Variants in MICU3 observed in about 807,000 individuals in gnomAD.
MICU3 encodes calcium uptake protein 3, mitochondrial.
A neutral mutation model predicts 66.5 loss-of-function variants in MICU3; 62 were observed. The observed-to-expected ratio is 0.93, with a 90% CI of 0.76 to 1.15. The LOEUF (loss-of-function observed/expected upper bound fraction) is 1.15. Ranked by LOEUF, MICU3 falls within the 50% of genes most tolerant of loss-of-function variation. MICU3 has a pLI of 0.00. For synonymous variants in MICU3, 308 were observed against 240.7 expected (o/e 1.28, Z -2.59); for missense variants, 779 against 664.4 (o/e 1.17, Z -1.90).
Position 17,109,376 on chromosome 8 carries a change from G to T in MICU3, c.1257+3792G>T, listed in dbSNP as rs374603101. ...CATGATGAAATGGCACATGTACAAG[G>T]TTACTAATTATAATGTTGTTTGTAA... On this transcript the variant is annotated intron_variant, in intron 11 of 14. Transcript: ENST00000318063. 3.9e-5 allele frequency among the ~76,000 whole-genome samples: 6 copies of T among 152,162 alleles called. No homozygotes were observed. The East Asian group carries it at 9.7e-4, about 25-fold the overall frequency.
intron 1 of MICU3, among the ~76,000 whole-genome samples, chr8:17,051,359 C>G (rs556224980): frequency 6.6e-6 from 1 of 152,148 alleles, no homozygotes; most frequent in Non-Finnish European, 1.5e-5. Flanking sequence ...CTTCTAGGCA[C>G]TGGGGAAACT....
intron 6 of MICU3, among the ~76,000 whole-genome samples, chr8:17,086,129 T>C (rs181987914): frequency 2.5e-3 from 386 of 152,238 alleles, no homozygotes; most frequent in Non-Finnish European, 3.6e-3. Context: ...TTGTTTTCTT[T>C]TTAAATTATG....
intron 1 of MICU3, 64 bp from the exon 2 acceptor site, chr8:17,064,020 A>G: frequency 8.0e-7 from 1 of 1,244,932 alleles, no homozygotes; most frequent in South Asian, 1.8e-5. Context: ...ACATAATTAA[A>G]AGTATCTTCT....
intron 4 of MICU3, 99 bp downstream of exon 4, chr8:17,077,960 T>G: frequency 1.5e-6 from 1 of 659,466 alleles, no homozygotes; most frequent in South Asian, 2.6e-5. Flanking sequence ...TTAAATTACA[T>G]CTATGTGTAT....
intron 1 of MICU3, among the ~76,000 whole-genome samples, chr8:17,029,156 A>G (rs1412457084): frequency 6.6e-6 from 1 of 152,218 alleles, no homozygotes; most frequent in South Asian, 2.1e-4. Flanking sequence ...ATTTAAAACA[A>G]TGGTACTACT....
chr8:17,098,707 T>C (rs533071153), intron 9 of MICU3, among the ~76,000 whole-genome samples, 154 bp downstream of exon 9: 1 of 151,932 alleles, frequency 6.6e-6, no homozygotes, highest in South Asian at 2.1e-4. Context: ...ACTGTGTATT[T>C]GAATACATCA....
intron 7 of MICU3, 80 bp downstream of exon 7, chr8:17,087,115 G>C: frequency 1.0e-6 from 1 of 973,478 alleles, no homozygotes. Context: ...AATAATTAAA[G>C]TTTGTAACTT....
intron 1 of MICU3, among the ~76,000 whole-genome samples, chr8:17,043,993 T>G (rs1316459729): frequency 2.0e-5 from 3 of 152,254 alleles, no homozygotes; most frequent in African/African-American, 4.8e-5. Context: ...ATCCTGAAGT[T>G]ATTCTGAATT....
intron 6 of MICU3, among the ~76,000 whole-genome samples, chr8:17,086,605 T>C (rs2150743528): frequency 6.6e-6 from 1 of 152,272 alleles, no homozygotes; most frequent in South Asian, 2.1e-4. Flanking sequence ...AGAATGGGCC[T>C]GTTTTTCTGC....
At chr8:17,112,911 C>T (rs1802335246) in intron 11 of MICU3, among the ~76,000 whole-genome samples, 1 of 152,102 alleles carries the variant, frequency 6.6e-6, no homozygotes, top group Admixed American at 6.6e-5. Flanking sequence ...TGCAGTCCTC[C>T]TAACTGATTC....
At chr8:17,063,066 T>C (rs1230593372) in intron 1 of MICU3, among the ~76,000 whole-genome samples, 1 of 152,178 alleles carries the variant, frequency 6.6e-6, no homozygotes, top group African/African-American at 2.4e-5. Context: ...AAAAATGGTC[T>C]TCTACAGGAA....
intron 13 of MICU3, among the ~76,000 whole-genome samples, chr8:17,118,435 G>A (rs1340449606): frequency 6.6e-6 from 1 of 152,004 alleles, no homozygotes; most frequent in Non-Finnish European, 1.5e-5. Flanking sequence ...CTTTTTAAAA[G>A]CATTTTTGAA....
At chr8:17,137,857 C>T in the MICU3 span, among the ~76,000 whole-genome samples, 15 of 151,754 alleles carry the variant, frequency 9.9e-5, no homozygotes, top group South Asian at 1.7e-3. Context: ...GCTGGGACTA[C>T]AGGTGCGCAC....
At chr8:17,132,279 T>C in the MICU3 span, 3 of 152,220 alleles carry the variant, frequency 2.0e-5, no homozygotes, top group Non-Finnish European at 4.4e-5. Flanking sequence ...CAGCCCTTTT[T>C]TCTGCAGTTG....
Position 17,085,229 on chromosome 8 carries a change from C to A in MICU3, c.695-7C>A, listed in dbSNP as rs747979584. 1.9e-6 allele frequency: 3 copies of A among 1,586,842 alleles called. 1 individual carries two copies. The highest frequency in any genetic ancestry group is 2.3e-5 in the South Asian group (2 of 86,668). On this transcript the variant is annotated splice_region_variant and splice_polypyrimidine_tract_variant and intron_variant, in intron 5 of 14. Transcript: ENST00000318063. The stretch of plus-strand genomic sequence containing the variant: ...TTTGTGAATACCTTCTCTGTTTTTT[C>A]TGGCAGAGCCACATGCAGGGTTCAG...
the MICU3 span, among the ~76,000 whole-genome samples, chr8:17,131,014 A>G: frequency 6.6e-6 from 1 of 152,186 alleles, no homozygotes; most frequent in African/African-American, 2.4e-5. Flanking sequence ...GTAATAAGAA[A>G]CTGGAGTGGC....
intron 8 of MICU3, among the ~76,000 whole-genome samples, chr8:17,095,342 G>C (rs1227869020): frequency 6.6e-6 from 1 of 151,806 alleles, no homozygotes; most frequent in Non-Finnish European, 1.5e-5. Flanking sequence ...ATTGTATTCA[G>C]TTTTCTTTTT....
chr8:17,077,886 T>C (rs760580954), intron 4 of MICU3, 25 bp downstream of exon 4: 1 of 1,470,922 alleles, frequency 6.8e-7, no homozygotes, highest in South Asian at 1.2e-5. Context: ...GTACTTGTTC[T>C]TTTTTTAAAC....
At chr8:17,083,329 A>G (rs527356053) in intron 5 of MICU3, among the ~76,000 whole-genome samples, 1 of 152,226 alleles carries the variant, frequency 6.6e-6, no homozygotes, top group Admixed American at 6.5e-5. Flanking sequence ...GGAGCAATTT[A>G]GGGAGGGTCA....
Sources: gnomAD v4.1 joint callset for allele counts (sites outside exome capture counted in the v4.1 genomes callset) on GRCh38, gnomAD v4.1.1 for gene constraint, MANE v1.5 for transcripts, NCBI Gene and HGNC (gene_info 2026-07-23, HGNC 2026-07-21) for gene names.